Variants in ARAP2 observed in about 807,000 individuals in gnomAD.
The protein encoded by ARAP2 is arf-GAP with Rho-GAP domain, ANK repeat and PH domain-containing protein 2.
ARAP2 carries 148 observed loss-of-function variants against 194.5 expected under a neutral mutation model. The ratio of observed to expected loss-of-function variants is 0.76; its 90% CI spans 0.67 to 0.87. The LOEUF is 0.87. Among genes scored for constraint, ARAP2 ranks in the 40% least tolerant of loss-of-function variants. The pLI is 0.00. For missense variants in ARAP2, 2,128 were observed against 1,989.7 expected, an observed-to-expected ratio of 1.07 and a Z score of -1.32; for synonymous variants, 695 against 683.5, an observed-to-expected ratio of 1.02 and a Z score of -0.26.
At chr4:36,233,559 A>C (rs911698693) in intron 1 of ARAP2, among the ~76,000 whole-genome samples, 1 of 152,226 alleles carries the variant, frequency 6.6e-6, no homozygotes, top group Non-Finnish European at 1.5e-5. Context: ...AACATACTGC[A>C]CACAAGTTTG....
chr4:36,149,101 T>A lies in ARAP2; in HGVS notation c.2898-594A>T, dbSNP rs183087474. 1.2e-4 allele frequency among the ~76,000 whole-genome samples: 18 copies of A among 152,320 alleles called. No individual in the cohort carries two copies. In the East Asian group the frequency reaches 3.5e-3, roughly 29 times the overall value. On this transcript the variant is annotated intron_variant, in intron 16 of 32. Coordinates refer to ENST00000303965, the MANE Select transcript of ARAP2 (RefSeq NM_015230.4). ...AGTTCCTCATTCACAACTCCATTTATTTCTTAGCACATGCTAAGTATGTGT... is the reference window on the plus strand; with the variant it reads ...AGTTCCTCATTCACAACTCCATTTAATTCTTAGCACATGCTAAGTATGTGT...
At chr4:36,047,356 T>C (rs1057262397) in intron 3 of ARAP2, 2 of 152,200 alleles carry the variant, frequency 1.3e-5, no homozygotes, top group Non-Finnish European at 1.5e-5. Context: ...TAATTGACAC[T>C]TGAGAGGTCT....
chr4:36,136,992 C>T (rs1726995228), intron 19 of ARAP2, among the ~76,000 whole-genome samples: 1 of 151,578 alleles, frequency 6.6e-6, no homozygotes, highest in South Asian at 2.1e-4. Context: ...AATGATGTGT[C>T]AAAGGCAATT....
chr4:36,198,921 T>C (rs1454593359), intron 6 of ARAP2, among the ~76,000 whole-genome samples: 4 of 151,968 alleles, frequency 2.6e-5, no homozygotes, highest in Non-Finnish European at 4.4e-5. Flanking sequence ...CCTGGACTCA[T>C]AGCCACAACT....
At chr4:36,174,187 T>A (rs1485810264) in intron 9 of ARAP2, among the ~76,000 whole-genome samples, 1 of 152,162 alleles carries the variant, frequency 6.6e-6, no homozygotes, top group Non-Finnish European at 1.5e-5. Context: ...GTCACTACAG[T>A]GTAACCTATA....
intron 26 of ARAP2, among the ~76,000 whole-genome samples, chr4:36,113,783 GC>G (rs1311506842): frequency 6.6e-6 from 1 of 151,876 alleles, no homozygotes; most frequent in Non-Finnish European, 1.5e-5. Context: ...AAAAAATGAA[GC>G]TTCTGCTGCT....
At chr4:36,098,789 A>G (rs912761989) in intron 27 of ARAP2, among the ~76,000 whole-genome samples, 1 of 152,008 alleles carries the variant, frequency 6.6e-6, no homozygotes, top group African/African-American at 2.4e-5. Context: ...CAACTACTTC[A>G]GTCCATATTT....
chr4:36,239,748 C>T lies in ARAP2; in HGVS notation c.-160+4431G>A, dbSNP rs142205225. ...AACTATACACTTTAAAATGATAAGA[C>T]GGTAAATTTTATAGTATGTGTTATT... On this transcript the variant is annotated intron_variant, in intron 1 of 32. Transcript: ENST00000303965. Among the ~76,000 whole-genome samples the T allele has an allele frequency of 1.2e-3, 175 of 152,168 alleles. 1 individual carries two copies. Among genetic ancestry groups the T allele is most frequent in the African/African-American group, 4.0e-3 (164 of 41,490 alleles).
intron 3 of ARAP2, among the ~76,000 whole-genome samples, chr4:36,047,749 C>T (rs542018593): frequency 6.6e-6 from 1 of 152,324 alleles, no homozygotes; most frequent in East Asian, 1.9e-4. Context: ...TTAACAAGTA[C>T]ATACTCCAAT....
At chr4:36,179,055 T>C (rs1578184426) in intron 8 of ARAP2, among the ~76,000 whole-genome samples, 1 of 152,044 alleles carries the variant, frequency 6.6e-6, no homozygotes, top group Admixed American at 6.6e-5. Context: ...ACGAAAAAAA[T>C]GGGAAATATG....
intron 15 of ARAP2, among the ~76,000 whole-genome samples, chr4:36,155,336 A>G (rs1260815749): frequency 6.6e-6 from 1 of 152,182 alleles, no homozygotes; most frequent in Non-Finnish European, 1.5e-5. Context: ...GCATCCTATG[A>G]AAGAGAAGGG....
At chr4:36,204,595 G>A (rs565925012) in intron 6 of ARAP2, among the ~76,000 whole-genome samples, 15 of 152,260 alleles carry the variant, frequency 9.9e-5, no homozygotes, top group Admixed American at 2.6e-4. Flanking sequence ...TTTTCTTAGC[G>A]GGCTACAGGA....
chr4:36,178,120 C>A, intron 8 of ARAP2, 115 bp from the exon 9 acceptor site: 1 of 864,764 alleles, frequency 1.2e-6, no homozygotes. Context: ...TTCTTTCCCA[C>A]AACCACAATC....
chr4:36,231,149 C>T (rs1751371764), intron 1 of ARAP2, among the ~76,000 whole-genome samples: 1 of 152,022 alleles, frequency 6.6e-6, no homozygotes, highest in Non-Finnish European at 1.5e-5. Context: ...CCATCCTGGC[C>T]AACATGGTGA....
chr4:36,204,432 C>CT (rs2109241981), intron 6 of ARAP2, among the ~76,000 whole-genome samples: 1 of 152,264 alleles, frequency 6.6e-6, no homozygotes, highest in Non-Finnish European at 1.5e-5. Context: ...TCCTCCTTTT[C>CT]TCAGGAAGCT....
downstream of ARAP2, among the ~76,000 whole-genome samples, chr4:36,062,633 A>AGTGTGTGTGT (rs10641822): frequency 3.0e-4 from 45 of 148,168 alleles, no homozygotes; most frequent in African/African-American, 1.0e-3. Flanking sequence ...TTTGTGTGAG[A>AGTGTGTGTGT]GTGTGTGTGT....
chr4:36,156,031 C>T (rs1732204638), intron 15 of ARAP2, among the ~76,000 whole-genome samples: 2 of 151,984 alleles, frequency 1.3e-5, no homozygotes, highest in East Asian at 1.9e-4. Context: ...CCTGTAATCC[C>T]AGCACATTGA....
rs756595622 is a variant in ARAP2, at chr4:36,107,679, A to T, written c.4171T>A (p.Tyr1391Asn). 2 of 1,608,226 alleles carry T rather than the reference A, an allele frequency of 1.2e-6. No individual in the cohort carries two copies. The highest frequency in any genetic ancestry group is 1.3e-5 in the African/African-American group (1 of 74,794). ...ENEELERPLHYKENVLEQVLR... is the reference protein window; with the variant it reads ...ENEELERPLHNKENVLEQVLR... ...ACCTGCTCCAGTACATTTTCCTTGT[A>T]GTGAAGAGGACGCTCTGTAAAAAAT... The change falls in exon 27 of 33, where the codon TAC (tyrosine) becomes AAC (asparagine). Residue 1391 changes from tyrosine to asparagine, a missense_variant. By Grantham distance (143) the Tyr-to-Asn change is moderately radical (BLOSUM62 -2). Coordinates refer to ENST00000303965, the MANE Select transcript of ARAP2 (RefSeq NM_015230.4).
intron 8 of ARAP2, among the ~76,000 whole-genome samples, chr4:36,184,167 A>C (rs1268793128): frequency 6.6e-6 from 1 of 151,804 alleles, no homozygotes; most frequent in Non-Finnish European, 1.5e-5. Flanking sequence ...TTAAGTTTAC[A>C]CTTAATAATA....
Sources: allele counts gnomAD v4.1 joint callset (sites outside exome capture counted in the v4.1 genomes callset), GRCh38; gene constraint gnomAD v4.1.1; transcripts MANE v1.5; gene names NCBI Gene and HGNC (gene_info 2026-07-23, HGNC 2026-07-21).